The following NPAS3 variants were observed in gnomAD, a reference collection of about 807,000 sequenced individuals.
NPAS3 encodes neuronal PAS domain-containing protein 3.
In NPAS3, 14 loss-of-function variants were observed where a neutral mutation model predicts 73.1. The observed-to-expected ratio is 0.19, with a 90% CI of 0.13 to 0.30. NPAS3 has a LOEUF of 0.30. Among genes scored for constraint, NPAS3 ranks in the 10% least tolerant of loss-of-function variants. NPAS3 has a pLI of 1.00. For synonymous variants in NPAS3, 620 were observed against 541.5 expected (o/e 1.14, Z -2.01); for missense variants, 1,096 against 1,250.0 (o/e 0.88, Z 1.86).
At chr14:33,000,564 T>G (rs2038770273) in intron 1 of NPAS3, among the ~76,000 whole-genome samples, 1 of 152,324 alleles carries the variant, frequency 6.6e-6, no homozygotes, top group East Asian at 1.9e-4. Flanking sequence ...TATGAAGCAC[T>G]GACAGCGTAG....
At chr14:33,756,445 G>T (rs2140798738) in intron 7 of NPAS3, among the ~76,000 whole-genome samples, 1 of 152,360 alleles carries the variant, frequency 6.6e-6, no homozygotes, top group East Asian at 1.9e-4. Flanking sequence ...GAACCAGACA[G>T]ATTGAGACTG....
chr14:32,966,381 C>G (rs2037159646), intron 1 of NPAS3, among the ~76,000 whole-genome samples: 2 of 152,078 alleles, frequency 1.3e-5, no homozygotes, highest in African/African-American at 2.4e-5. Flanking sequence ...AATAGAGAAG[C>G]TAGAAATGAA....
At chr14:33,786,870 T>C (rs1372551488) in intron 9 of NPAS3, among the ~76,000 whole-genome samples, 1 of 152,144 alleles carries the variant, frequency 6.6e-6, no homozygotes, top group Admixed American at 6.5e-5. Context: ...GAGACTAACG[T>C]AGGACAGGCC....
At chr14:33,727,184 T>C (rs1220893787) in intron 6 of NPAS3, among the ~76,000 whole-genome samples, 4 of 131,274 alleles carry the variant, frequency 3.0e-5, no homozygotes, top group African/African-American at 1.2e-4. Flanking sequence ...TTCAGCTGGA[T>C]ACTGGCAACC....
chr14:33,624,832 C>T (rs1266263098), intron 5 of NPAS3, among the ~76,000 whole-genome samples: 1 of 152,168 alleles, frequency 6.6e-6, no homozygotes, highest in African/African-American at 2.4e-5. Flanking sequence ...AGTTTATACA[C>T]ATTCTTGTCA....
intron 5 of NPAS3, among the ~76,000 whole-genome samples, chr14:33,563,768 T>G (rs2055784742): frequency 6.6e-6 from 1 of 152,166 alleles, no homozygotes; most frequent in African/African-American, 2.4e-5. Flanking sequence ...ATGATGGCAT[T>G]CAGAGCTGTT....
intron 1 of NPAS3, among the ~76,000 whole-genome samples, chr14:33,039,371 A>T (rs2040275016): frequency 6.6e-6 from 1 of 152,186 alleles, no homozygotes; most frequent in African/African-American, 2.4e-5. Context: ...AATGCCAGGA[A>T]AGGAGATATT....
chr14:33,611,559 C>T (rs977443052), intron 5 of NPAS3, among the ~76,000 whole-genome samples: 3 of 152,084 alleles, frequency 2.0e-5, no homozygotes, highest in Admixed American at 6.5e-5. Flanking sequence ...ATAATGCCCT[C>T]GGGAATGCTA....
At chr14:33,349,944 C>T (rs2044952398) in intron 3 of NPAS3, among the ~76,000 whole-genome samples, 2 of 152,214 alleles carry the variant, frequency 1.3e-5, no homozygotes, top group African/African-American at 2.4e-5. Context: ...GTACAGAAAT[C>T]TCACACTCCG....
At chr14:33,705,092 T>C (rs1364122794) in intron 6 of NPAS3, among the ~76,000 whole-genome samples, 3 of 152,228 alleles carry the variant, frequency 2.0e-5, no homozygotes, top group Non-Finnish European at 4.4e-5. Flanking sequence ...CTCATTTTTA[T>C]TTGTTTGTTG....
intron 4 of NPAS3, among the ~76,000 whole-genome samples, chr14:33,541,368 C>T (rs1320343500): frequency 3.9e-5 from 6 of 152,158 alleles, no homozygotes; most frequent in Admixed American, 2.6e-4. Context: ...ATCATTTTCC[C>T]ACACACTGTG....
intron 3 of NPAS3, among the ~76,000 whole-genome samples, chr14:33,218,865 T>C (rs773373588): frequency 1.3e-5 from 2 of 152,168 alleles, no homozygotes; most frequent in Non-Finnish European, 2.9e-5. Flanking sequence ...TCCATAAAGG[T>C]TGATGAGTTT....
chr14:33,071,860 A>C (rs2041496141), intron 2 of NPAS3, among the ~76,000 whole-genome samples: 1 of 152,114 alleles, frequency 6.6e-6, no homozygotes, highest in Admixed American at 6.5e-5. Flanking sequence ...GTTTCCATCA[A>C]ATTTCTGAAG....
At chr14:33,307,430 G>C (rs964146211) in intron 3 of NPAS3, among the ~76,000 whole-genome samples, 11 of 151,978 alleles carry the variant, frequency 7.2e-5, no homozygotes, top group Non-Finnish European at 1.5e-4. Flanking sequence ...TGCCATTCTG[G>C]ACTCATTTTT....
At chr14:33,181,735 A>T (rs1340459538) in intron 2 of NPAS3, among the ~76,000 whole-genome samples, 2 of 152,178 alleles carry the variant, frequency 1.3e-5, no homozygotes, top group Non-Finnish European at 2.9e-5. Flanking sequence ...ACAAAAGTGG[A>T]ATGTCTCTCA....
Position 33,197,267 on chromosome 14 carries a change from G to GTGTGTT in NPAS3, c.141-17914_141-17913insGTGTTT, listed in dbSNP as rs1555353807. Among the ~76,000 whole-genome samples, 242 of 148,810 alleles carry GTGTGTT rather than the reference G, an allele frequency of 1.6e-3. 2 individuals are homozygous for GTGTGTT. Among genetic ancestry groups the GTGTGTT allele is most frequent in the Middle Eastern group, 6.8e-3 (2 of 294 alleles). ...TGTGTGTGTGTGTGTGTGTGTGTGT[G>GTGTGTT]TTCTTTTTCAATTGAGATCCACTGT... is the stretch of plus-strand genomic sequence containing the variant. On this transcript the variant is annotated intron_variant, in intron 2 of 11. Transcript: ENST00000356141.
intron 6 of NPAS3, among the ~76,000 whole-genome samples, chr14:33,716,535 A>C (rs1407215862): frequency 6.6e-6 from 1 of 152,186 alleles, no homozygotes; most frequent in Non-Finnish European, 1.5e-5. Flanking sequence ...CATTAAGTAC[A>C]TTCACATTGT....
intron 7 of NPAS3, among the ~76,000 whole-genome samples, chr14:33,761,957 G>A (rs549135117): frequency 6.6e-6 from 1 of 152,286 alleles, no homozygotes; most frequent in East Asian, 1.9e-4. Context: ...GAGTTTTACT[G>A]CAGAAGGTCT....
chr14:32,976,176 T>G (rs1206015580), intron 1 of NPAS3, among the ~76,000 whole-genome samples: 3 of 152,042 alleles, frequency 2.0e-5, no homozygotes, highest in Non-Finnish European at 4.4e-5. Context: ...CTGTTGCAGG[T>G]GACCCCTGGA....
Sources: gnomAD v4.1 joint callset for allele counts (sites outside exome capture counted in the v4.1 genomes callset) on GRCh38, gnomAD v4.1.1 for gene constraint, MANE v1.5 for transcripts, NCBI Gene and HGNC (gene_info 2026-07-23, HGNC 2026-07-21) for gene names.